The following ACMSD variants were observed in gnomAD, a reference collection of about 807,000 sequenced individuals.
ACMSD encodes the protein 2-amino-3-carboxymuconate-6-semialdehyde decarboxylase.
In ACMSD, 37 loss-of-function variants were observed where a neutral mutation model predicts 45.9. The observed-to-expected ratio is 0.81, with a 90% CI of 0.62 to 1.06. The LOEUF (loss-of-function observed/expected upper bound fraction) is 1.06. Ranked by LOEUF, ACMSD falls within the 50% of genes least tolerant of loss-of-function variation. ACMSD has a pLI of 0.00. For synonymous variants in ACMSD, 138 were observed against 148.8 expected, an observed-to-expected ratio of 0.93 and a Z score of 0.53; for missense variants, 434 against 420.9, an observed-to-expected ratio of 1.03 and a Z score of -0.27.
At chr2:134,898,293 C>T (rs759037636) in intron 8 of ACMSD, 48 bp from the exon 9 acceptor site, 7 of 1,256,398 alleles carry the variant, frequency 5.6e-6, no homozygotes, top group African/African-American at 4.6e-5. Context: ...ACAGGAGGCT[C>T]TTTCATGTTT....
chr2:134,872,797 A>C, intron 8 of ACMSD, 156 bp downstream of exon 8: 2 of 810,604 alleles, frequency 2.5e-6, no homozygotes, highest in South Asian at 3.4e-5. Flanking sequence ...GTTTGCTCAC[A>C]CAGGGGATTC....
intron 8 of ACMSD, among the ~76,000 whole-genome samples, chr2:134,889,227 T>C (rs1414461027): frequency 1.3e-5 from 2 of 152,132 alleles, no homozygotes; most frequent in African/African-American, 4.8e-5. Context: ...AATGGATATA[T>C]TGGTATAATA....
chr2:134,857,217 A>C (rs924099911), intron 2 of ACMSD, among the ~76,000 whole-genome samples: 10 of 152,142 alleles, frequency 6.6e-5, no homozygotes, highest in Non-Finnish European at 1.3e-4. Context: ...AGGCCGGTGG[A>C]TCATGAGGTC....
chr2:134,892,482 TA>T (rs1461031080), intron 8 of ACMSD, among the ~76,000 whole-genome samples: 2 of 151,550 alleles, frequency 1.3e-5, no homozygotes, highest in Non-Finnish European at 2.9e-5. Context: ...AATAAATAAA[TA>T]AATAAATAAA....
In ACMSD at chr2:134,863,497, C is replaced by T. The variant is rs1333467658; in HGVS notation, c.352C>T (p.Pro118Ser). 3 of 1,614,240 alleles carry T rather than the reference C, an allele frequency of 1.9e-6. No individual in the cohort carries two copies. The highest frequency in any genetic ancestry group is 1.7e-5 in the Admixed American group (1 of 60,028). The part of the protein sequence containing the change: ...PRRFVGLGTL[P>S]MQAPELAVKE... The stretch of plus-strand genomic sequence containing the variant: ...GAGGTTCGTGGGTCTGGGGACGTTG[C>T]CCATGCAGGCCCCTGAGCTGGCGGT... Residue 118 changes from proline (P) to serine (S), a missense_variant, in exon 5 of 10, where the codon CCC becomes TCC. Physicochemically the swap from Pro to Ser is moderately conservative, Grantham distance 74. Coordinates refer to ENST00000356140, the MANE Select transcript of ACMSD (RefSeq NM_138326.3).
chr2:134,873,396 G>A (rs1375143885), intron 8 of ACMSD: 3 of 152,166 alleles, frequency 2.0e-5, no homozygotes, highest in Non-Finnish European at 4.4e-5. Flanking sequence ...ATAGTGAAAA[G>A]TCTAAAATAT....
At chr2:134,870,023 GT>G in intron 6 of ACMSD, among the ~76,000 whole-genome samples, 1 of 152,238 alleles carries the variant, frequency 6.6e-6, no homozygotes, top group African/African-American at 2.4e-5. Context: ...AGGCAGCTGG[GT>G]GCCAGGGGCG....
intron 8 of ACMSD, among the ~76,000 whole-genome samples, chr2:134,896,214 G>T (rs1324934752): frequency 6.6e-6 from 1 of 152,186 alleles, no homozygotes; most frequent in African/African-American, 2.4e-5. Context: ...AGAAACCATA[G>T]GTGTAAATCT....
At chr2:134,846,935 A>C (rs2104818129) in intron 2 of ACMSD, among the ~76,000 whole-genome samples, 1 of 152,294 alleles carries the variant, frequency 6.6e-6, no homozygotes, top group East Asian at 1.9e-4. Context: ...AAAGGCTTCG[A>C]GGATGAGAAG....
intron 5 of ACMSD, 50 bp downstream of exon 5, chr2:134,863,681 G>C: frequency 1.3e-6 from 2 of 1,584,318 alleles, no homozygotes; most frequent in African/African-American, 1.3e-5. Context: ...TGCCTGGGCC[G>C]GGGGCACCGC....
At chr2:134,861,576 C>G (rs1026545498) in intron 3 of ACMSD, among the ~76,000 whole-genome samples, 2 of 152,148 alleles carry the variant, frequency 1.3e-5, no homozygotes, top group African/African-American at 4.8e-5. Flanking sequence ...TATTTCAGAT[C>G]ATGGGACTCC....
At chr2:134,845,377 T>G in intron 2 of ACMSD, 100 bp downstream of exon 2, 1 of 1,255,100 alleles carries the variant, frequency 8.0e-7, no homozygotes, top group Non-Finnish European at 1.2e-6. Flanking sequence ...CCCACTCTTC[T>G]GCCCATGTAT....
intron 8 of ACMSD, among the ~76,000 whole-genome samples, chr2:134,888,434 A>G (rs1689583802): frequency 6.6e-6 from 1 of 152,188 alleles, no homozygotes; most frequent in South Asian, 2.1e-4. Context: ...ATATACTCCT[A>G]TCCTATCACC....
intron 5 of ACMSD, 167 bp from the exon 6 acceptor site, chr2:134,867,412 T>C (rs1033801225): frequency 2.5e-6 from 1 of 403,726 alleles, no homozygotes; most frequent in African/African-American, 2.0e-5. Context: ...CAGGAGAAGT[T>C]TGTCAATATC....
At chr2:134,863,319 G>A in intron 4 of ACMSD, 76 bp from the exon 5 acceptor site, 3 of 1,332,764 alleles carry the variant, frequency 2.3e-6, no homozygotes, top group South Asian at 1.2e-5. Flanking sequence ...TAGCCATGAG[G>A]AGGCACTGTT....
At chr2:134,855,083 A>C (rs538949100) in intron 2 of ACMSD, among the ~76,000 whole-genome samples, 2 of 152,244 alleles carry the variant, frequency 1.3e-5, no homozygotes, top group Admixed American at 1.3e-4. Flanking sequence ...TTCTTCACCA[A>C]ATGAAAAGAC....
chr2:134,847,449 T>TATAG (rs1553508824), intron 2 of ACMSD, among the ~76,000 whole-genome samples: 8 of 128,596 alleles, frequency 6.2e-5, no homozygotes, highest in African/African-American at 2.0e-4. Context: ...GATAGATAGA[T>TATAG]ATAGATAGAG....
chr2:134,893,209 AT>A (rs10572074), intron 8 of ACMSD, among the ~76,000 whole-genome samples: 35,491 of 132,462 alleles, frequency 0.27, 4,258 homozygotes, highest in East Asian at 0.48. Context: ...ATCACACTGC[AT>A]TTTTTTTTTT....
At chr2:134,862,097 G>T (rs917542427) in intron 4 of ACMSD, 79 bp downstream of exon 4, 1 of 1,502,914 alleles carries the variant, frequency 6.7e-7, no homozygotes, top group Non-Finnish European at 9.3e-7. Flanking sequence ...GATGCCTCAA[G>T]TTTGGACACC....
Sources: allele counts gnomAD v4.1 joint callset (sites outside exome capture counted in the v4.1 genomes callset), GRCh38; gene constraint gnomAD v4.1.1; transcripts MANE v1.5; gene names NCBI Gene and HGNC (gene_info 2026-07-23, HGNC 2026-07-21).